Variants in RBMX observed in about 807,000 individuals in gnomAD.
RBMX encodes the protein RNA-binding motif protein, X chromosome.
In RBMX, 1 loss-of-function variant was observed where a neutral mutation model predicts 29.3. The observed-to-expected ratio is 0.03, with a 90% CI of 0.01 to 0.16. RBMX has a LOEUF of 0.16. RBMX is among the 10% of genes least tolerant of loss of function. The probability of loss-of-function intolerance (pLI) is 1.00; values close to 1 mark genes in which losing one functional copy is unlikely to be tolerated. For synonymous variants in RBMX, 102 were observed against 102.3 expected, an observed-to-expected ratio of 1.00 and a Z score of 0.02; for missense variants, 121 against 333.2, an observed-to-expected ratio of 0.36 and a Z score of 4.96.
At chrX:136,879,691 T>C (rs946335525) in intron 1 of RBMX, among the ~76,000 whole-genome samples, 1 of 112,097 alleles carries the variant, frequency 8.9e-6, no homozygotes, top group Non-Finnish European at 1.9e-5. Context: ...ACCACTACCC[T>C]TGATCACCCT....
intron 3 of RBMX, 140 bp downstream of exon 3, chrX:136,878,877 A>T: frequency 1.4e-6 from 1 of 734,957 alleles, no homozygotes; most frequent in South Asian, 2.8e-5. Flanking sequence ...ACAGGATCAC[A>T]AACAGGATGA....
chrX:136,879,160 T>C (rs1603367967), intron 2 of RBMX, 37 bp from the exon 3 acceptor site: 1 of 1,209,104 alleles, frequency 8.3e-7, no homozygotes, highest in East Asian at 3.0e-5. Context: ...AGTGTTACCC[T>C]AGGTCAAATG....
chrX:136,872,687 AG>A (rs2077692266), downstream of RBMX: 1 of 175,015 alleles, frequency 5.7e-6, no homozygotes, highest in Admixed American at 7.5e-5. Flanking sequence ...TATATTCAAG[AG>A]CATCTTTTTC....
chrX:136,880,552 G>T, intron 1 of RBMX, 45 bp downstream of exon 1: 1 of 114,935 alleles, frequency 8.7e-6, no homozygotes. Context: ...GTCCTAACAC[G>T]GGGAGAGTGT....
Position 136,874,140 on chromosome X carries a change from T to C in RBMX, c.*2A>G, listed in dbSNP as rs920230044. ...GATTTTGGTCCAAAGTTTTGTTTGT[T>C]TCTAGTATCTGCTTCTGCCTCCCCC... On this transcript the variant is annotated 3_prime_UTR_variant, in exon 9 of 9. Coordinates refer to ENST00000320676, the MANE Select transcript of RBMX (RefSeq NM_002139.4). 8.4e-7 allele frequency: 1 copy of C among 1,192,951 alleles called. No individual in the cohort carries two copies. The highest frequency in any genetic ancestry group is 1.1e-6 in the Non-Finnish European group (1 of 885,558).
rs180883864 is a variant in RBMX, at chrX:136,876,113, T to A, written c.541+390A>T. Among the ~76,000 whole-genome samples the A allele has an allele frequency of 4.7e-3, 446 of 95,881 alleles. 2 individuals are homozygous for A. Among genetic ancestry groups the A allele is most frequent in the Non-Finnish European group, 6.5e-3 (313 of 48,186 alleles). The allele number at this position is 95,881 out of a possible 115,157, so 83.3% of individuals were successfully genotyped here. A position where few individuals can be genotyped will look rare whatever the true frequency, so the allele number is the denominator to read the frequency against. ...CCGCACCCAGACTCCATGAATAAAG[T>A]TTTTTTTTTTTGTTTTTTTTTTTTT... On this transcript the variant is annotated intron_variant, in intron 5 of 8. Coordinates refer to ENST00000320676, the MANE Select transcript of RBMX (RefSeq NM_002139.4).
chrX:136,876,365 G>A (rs760538178), intron 5 of RBMX, 138 bp downstream of exon 5: 45 of 597,382 alleles, frequency 7.5e-5, no homozygotes, highest in Non-Finnish European at 1.0e-4. Flanking sequence ...ACCGTGATCC[G>A]TCTGCCGCGG....
At chrX:136,877,628 T>C (rs1053811903) in intron 4 of RBMX, among the ~76,000 whole-genome samples, 1 of 109,628 alleles carries the variant, frequency 9.1e-6, no homozygotes, top group African/African-American at 3.3e-5. Context: ...CTTTAAAAAA[T>C]AAAAATGATT....
chrX:136,877,692 G>C (rs767299119), intron 4 of RBMX, among the ~76,000 whole-genome samples: 1 of 111,636 alleles, frequency 9.0e-6, no homozygotes, highest in Non-Finnish European at 1.9e-5. Flanking sequence ...CTTTCCTACA[G>C]AGTGAACTAC....
At chrX:136,880,484 C>T (rs1352408484) in intron 1 of RBMX, 113 bp downstream of exon 1, 1 of 111,711 alleles carries the variant, frequency 9.0e-6, no homozygotes, top group South Asian at 3.7e-4. Context: ...TAGGTCGGAA[C>T]CTTTGGGTTC....
chrX:136,875,728 T>C lies in RBMX; in HGVS notation c.542-143A>G, dbSNP rs777748928. 1.2e-4 allele frequency: 105 copies of C among 865,129 alleles called. No homozygotes were observed. The African/African-American group carries it at 1.9e-3, about 16-fold the overall frequency. 71.3% of individuals were successfully genotyped at this position (865,129 alleles called of 1,213,427 possible). A position where few individuals can be genotyped will look rare whatever the true frequency, so the allele number is the denominator to read the frequency against. ...GATCACCTAATTTTATTTTCTACAA[T>C]TTCCCATTCATATTTTAAATTTTTT... On this transcript the variant is annotated intron_variant, in intron 5 of 8. Transcript: ENST00000320676.
rs763220604 is a variant in RBMX, at chrX:136,878,063, C to T, written c.240G>A (p.Lys80=). The T allele has an allele frequency of 8.4e-7, 1 of 1,194,409 alleles. No homozygotes were observed. The highest frequency in any genetic ancestry group is 1.1e-6 in the Non-Finnish European group (1 of 887,362). Residue 80 remains lysine (K), a synonymous_variant, in exon 4 of 9, where the codon AAG becomes AAA. Transcript: ENST00000320676. ...ATGATGGTTTGGTGGCTTGTTCCAC[C>T]TTGATGGCTTTTCCATCTAATGACT... ...NGKSLDGKAI[K]VEQATKPSFE...
downstream of RBMX, chrX:136,872,332 G>A: frequency 1.7e-6 from 2 of 1,165,280 alleles, no homozygotes; most frequent in East Asian, 3.3e-5. Context: ...ACCATAATGA[G>A]CAAAATCACC....
chrX:136,871,832 T>TC (rs1214613278), downstream of RBMX, among the ~76,000 whole-genome samples: 4 of 99,083 alleles, frequency 4.0e-5, no homozygotes, highest in East Asian at 3.2e-4. Flanking sequence ...TTTTTTTTTT[T>TC]CTAGTACAGA....
At position 136,875,578 on chromosome X, in the gene RBMX, T is replaced by C. The variant is rs376235783; in HGVS notation, c.549A>G (p.Val183=). ...SSSGMGGRAP[V]SRGRDSYGGP... ...CTCCATAACTATCTCTTCCACGTGATACAGGAGCTTAAGGAAAAATATCAT... is the reference window on the plus strand; with the variant it reads ...CTCCATAACTATCTCTTCCACGTGACACAGGAGCTTAAGGAAAAATATCAT... Residue 183 remains valine (V), a synonymous_variant, in exon 6 of 9, where the codon GTA becomes GTG. Coordinates refer to ENST00000320676, the MANE Select transcript of RBMX (RefSeq NM_002139.4). 5.0e-6 allele frequency: 6 copies of C among 1,200,643 alleles called. No homozygotes were observed. Among genetic ancestry groups the C allele is most frequent in the Non-Finnish European group, 6.7e-6 (6 of 892,827 alleles).
chrX:136,876,237 C>T (rs1325286571), intron 5 of RBMX, among the ~76,000 whole-genome samples: 1 of 105,866 alleles, frequency 9.4e-6, no homozygotes, highest in Non-Finnish European at 1.9e-5. Flanking sequence ...AATTCTCCTG[C>T]CTCGGCCTCC....
In RBMX at chrX:136,875,186, CT is replaced by C. The variant is rs747604590; in HGVS notation, c.783-19del. 6.6e-6 allele frequency: 8 copies of C among 1,210,881 alleles called. No individual in the cohort carries two copies. In the South Asian group the frequency reaches 1.4e-4, roughly 21 times the overall value. On this transcript the variant is annotated intron_variant, in intron 7 of 8. Transcript: ENST00000320676. ...CTCTATCGCTAAATTAAAGAGAAACCTTTAAGTCCCAGAGAATCAACTTTCA... is the reference window on the plus strand; with the variant it reads ...CTCTATCGCTAAATTAAAGAGAAACCTTAAGTCCCAGAGAATCAACTTTCA...
In RBMX at chrX:136,873,716, T is replaced by G. The variant is rs1171755516; in HGVS notation, c.*426A>C. 1 of 766,811 alleles carries G rather than the reference T, an allele frequency of 1.3e-6. No homozygotes were observed. The highest frequency in any genetic ancestry group is 1.5e-6 in the Non-Finnish European group (1 of 646,529). 63.2% of individuals were successfully genotyped at this position (766,811 alleles called of 1,213,427 possible). A position where few individuals can be genotyped will look rare whatever the true frequency, so the allele number is the denominator to read the frequency against. ...AGTTGGAAGACACCCTGAAATCTTATGAGTAGCATACCCCAACCACCCTCT... is the reference window on the plus strand; with the variant it reads ...AGTTGGAAGACACCCTGAAATCTTAGGAGTAGCATACCCCAACCACCCTCT... On this transcript the variant is annotated 3_prime_UTR_variant, in exon 9 of 9. Transcript: ENST00000320676.
rs1013052017 is a variant in RBMX, at chrX:136,875,703, G to A, written c.542-118C>T. On this transcript the variant is annotated intron_variant, in intron 5 of 8. Transcript: ENST00000320676. The stretch of plus-strand genomic sequence containing the variant: ...TTCAAAGATGACATTACGGAGGCTA[G>A]ATCACCTAATTTTATTTTCTACAAT... 4.2e-6 allele frequency: 4 copies of A among 959,075 alleles called. No homozygotes were observed. The African/African-American group carries it at 7.9e-5, about 19-fold the overall frequency. 79.0% of individuals were successfully genotyped at this position (959,075 alleles called of 1,213,427 possible).
Sources: gnomAD v4.1 joint callset for allele counts (sites outside exome capture counted in the v4.1 genomes callset) on GRCh38, gnomAD v4.1.1 for gene constraint, MANE v1.5 for transcripts, NCBI Gene and HGNC (gene_info 2026-07-23, HGNC 2026-07-21) for gene names.